CAPZA2: variants seen among roughly 807,000 people sequenced by gnomAD.
CAPZA2 encodes F-actin-capping protein subunit alpha-2.
Under a neutral mutation model 44.0 loss-of-function variants are expected in CAPZA2, and 13 were observed. The observed-to-expected ratio is 0.30, with a 90% confidence interval of 0.19 to 0.47. The LOEUF is 0.47. Ranked by LOEUF, CAPZA2 falls within the 20% of genes least tolerant of loss-of-function variation. The probability of loss-of-function intolerance (pLI) is 1.00; values close to 1 mark genes in which losing one functional copy is unlikely to be tolerated. For missense variants in CAPZA2, 244 were observed against 338.6 expected (o/e 0.72, Z 2.19); for synonymous variants, 94 against 108.2 (o/e 0.87, Z 0.81).
chr7:116,917,850 G>A lies in CAPZA2; in HGVS notation c.844G>A (p.Glu282Lys). 1 of 1,613,440 alleles carries A rather than the reference G, an allele frequency of 6.2e-7. No homozygotes were observed. The highest frequency in any genetic ancestry group is 8.5e-7 in the Non-Finnish European group (1 of 1,179,388). Residue 282 changes from glutamate (E) to lysine (K), a missense_variant, in exon 10 of 10, where the codon GAG becomes AAG. By Grantham distance (56) the Glu-to-Lys change is moderately conservative (BLOSUM62 1). Transcript: ENST00000361183. Reference sequence around the variant, plus strand: ...GATCCTTAGCTACAAGATTGGCAAAGAGATGCAGAATGCATAAGATGAACA... The same window carrying A: ...GATCCTTAGCTACAAGATTGGCAAAAAGATGCAGAATGCATAAGATGAACA... ...NKILSYKIGKEMQNA is the reference protein window; with the variant it reads ...NKILSYKIGKKMQNA
chr7:116,879,277 T>A (rs1294775246), intron 1 of CAPZA2, among the ~76,000 whole-genome samples: 1 of 152,134 alleles, frequency 6.6e-6, no homozygotes, highest in Non-Finnish European at 1.5e-5. Context: ...AGGTTAGAAA[T>A]CCAGCCTGGG....
intron 2 of CAPZA2, among the ~76,000 whole-genome samples, chr7:116,890,920 C>T (rs1796839229): frequency 1.3e-5 from 2 of 151,122 alleles, no homozygotes; most frequent in Admixed American, 1.3e-4. Flanking sequence ...TTTAGAATTA[C>T]AAAGTTAATA....
intron 1 of CAPZA2, among the ~76,000 whole-genome samples, 198 bp from the exon 2 acceptor site, chr7:116,887,929 T>C (rs1796785030): frequency 6.6e-6 from 1 of 152,260 alleles, no homozygotes; most frequent in Non-Finnish European, 1.5e-5. Flanking sequence ...TTTATCTACA[T>C]TCAGTCTGTA....
At chr7:116,896,560 T>C (rs1384683666) in intron 3 of CAPZA2, among the ~76,000 whole-genome samples, 1 of 152,040 alleles carries the variant, frequency 6.6e-6, no homozygotes, top group Non-Finnish European at 1.5e-5. Flanking sequence ...ATGAACAGGA[T>C]TTTAATAGTA....
At chr7:116,895,680 A>T (rs1301563042) in intron 3 of CAPZA2, among the ~76,000 whole-genome samples, 1 of 152,114 alleles carries the variant, frequency 6.6e-6, no homozygotes, top group African/African-American at 2.4e-5. Flanking sequence ...TAGTAAAAAA[A>T]AAAAAATAGT....
In CAPZA2 at chr7:116,898,833, C is replaced by G. The variant is rs762454163; in HGVS notation, c.217C>G (p.Gln73Glu). ...AGTAAAAATTGAAGGTTATGAAGAT[C>G]AGGTATGTTTCATATAAACACTATT... ...TPVKIEGYED[Q>E]VLITEHGDLG... Residue 73 changes from glutamine (Q) to glutamate (E), a missense_variant and splice_region_variant, in exon 4 of 10, where the codon CAG (glutamine) becomes GAG (glutamate). By Grantham distance (29) the Gln-to-Glu change is conservative (BLOSUM62 2). Coordinates refer to ENST00000361183, the MANE Select transcript of CAPZA2 (RefSeq NM_006136.3). 2.6e-6 allele frequency: 4 copies of G among 1,565,700 alleles called. No homozygotes were observed. In the Admixed American group the frequency reaches 5.1e-5, roughly 20 times the overall value.
At chr7:116,865,177 C>CTTTTTTTTTT (rs1011886318) in intron 1 of CAPZA2, among the ~76,000 whole-genome samples, 7 of 87,990 alleles carry the variant, frequency 8.0e-5, no homozygotes, top group Non-Finnish European at 1.3e-4. Flanking sequence ...GCGCTCTCTT[C>CTTTTTTTTTT]TTTTTTTTTT....
At chr7:116,872,548 A>G (rs961706531) in intron 1 of CAPZA2, among the ~76,000 whole-genome samples, 6 of 152,230 alleles carry the variant, frequency 3.9e-5, no homozygotes, top group Non-Finnish European at 7.3e-5. Flanking sequence ...GTTTACCCAT[A>G]TTAAGATAAA....
intron 1 of CAPZA2, among the ~76,000 whole-genome samples, chr7:116,884,764 C>G (rs1214648033): frequency 6.6e-6 from 1 of 152,014 alleles, no homozygotes; most frequent in African/African-American, 2.4e-5. Context: ...AGGGTAGATA[C>G]CTAGGAGTGG....
At chr7:116,885,249 G>T (rs925115683) in intron 1 of CAPZA2, among the ~76,000 whole-genome samples, 1 of 146,652 alleles carries the variant, frequency 6.8e-6, no homozygotes. Flanking sequence ...CAGCTCACTA[G>T]TTTTTTTTTT....
intron 6 of CAPZA2, among the ~76,000 whole-genome samples, chr7:116,907,458 T>C (rs538921536): frequency 1.3e-5 from 2 of 152,320 alleles, no homozygotes; most frequent in Admixed American, 6.5e-5. Context: ...ATTTATGTTA[T>C]TTATGCCAGG....
intron 3 of CAPZA2, among the ~76,000 whole-genome samples, chr7:116,896,070 A>T (rs1796922200): frequency 1.3e-5 from 2 of 152,056 alleles, no homozygotes; most frequent in South Asian, 4.1e-4. Flanking sequence ...TTTCACTTGC[A>T]CTTTTTGATG....
At chr7:116,904,571 T>G (rs1791462172) in intron 5 of CAPZA2, 188 bp downstream of exon 5, 1 of 537,786 alleles carries the variant, frequency 1.9e-6, no homozygotes, top group Admixed American at 3.5e-5. Context: ...CTAGGATGGC[T>G]TAAAATAGAG....
chr7:116,867,733 A>C (rs576045027), intron 1 of CAPZA2, among the ~76,000 whole-genome samples: 23 of 151,892 alleles, frequency 1.5e-4, no homozygotes, highest in Non-Finnish European at 2.9e-4. Flanking sequence ...ACAGGCACAC[A>C]CCTGCGTCCC....
chr7:116,910,283 C>G lies in CAPZA2; in HGVS notation c.557C>G (p.Thr186Ser), dbSNP rs529862441. The change falls in exon 7 of 10, where the codon ACT becomes AGT. Residue 186 changes from threonine to serine, a missense_variant. Coordinates refer to ENST00000361183, the MANE Select transcript of CAPZA2 (RefSeq NM_006136.3). The stretch of plus-strand genomic sequence containing the variant: ...AAGTTTACAATCACTCCTTCAACCA[C>G]TCAAGTGGTTGGCATCTTGAAAATT... ...EWKFTITPSTTQVVGILKIQV... is the reference protein window; with the variant it reads ...EWKFTITPSTSQVVGILKIQV... 1.9e-6 allele frequency: 3 copies of G among 1,596,518 alleles called. No individual in the cohort carries two copies. Among genetic ancestry groups the G allele is most frequent in the South Asian group, 2.2e-5 (2 of 90,704 alleles).
chr7:116,915,851 C>T (rs1400344846), intron 8 of CAPZA2: 2 of 318,782 alleles, frequency 6.3e-6, no homozygotes, highest in East Asian at 1.5e-4. Flanking sequence ...GCCAGCTGAA[C>T]ATTGAGACCA....
chr7:116,881,303 T>C (rs559097052), intron 1 of CAPZA2, among the ~76,000 whole-genome samples: 5 of 152,110 alleles, frequency 3.3e-5, no homozygotes, highest in Non-Finnish European at 7.4e-5. Context: ...CCTGGACAGA[T>C]TGAAGAACTA....
chr7:116,890,597 TACACACACACAC>T (rs780048437), intron 2 of CAPZA2, among the ~76,000 whole-genome samples: 1 of 49,536 alleles, frequency 2.0e-5, no homozygotes, highest in African/African-American at 1.8e-4. Context: ...TATATATATA[TACACACACACAC>T]ACACATATAT....
chr7:116,901,881 A>ATGTGTGTG (rs1554410805), intron 4 of CAPZA2, among the ~76,000 whole-genome samples: 1,774 of 140,856 alleles, frequency 0.013, 29 homozygotes, highest in East Asian at 0.07. Context: ...TAACGAAGAA[A>ATGTGTGTG]TGTGTGTGTG....
Sources: gnomAD v4.1 joint callset for allele counts (sites outside exome capture counted in the v4.1 genomes callset) on GRCh38, gnomAD v4.1.1 for gene constraint, MANE v1.5 for transcripts, NCBI Gene and HGNC (gene_info 2026-07-23, HGNC 2026-07-21) for gene names.